The following MSRA variants were observed in gnomAD, a reference collection of about 807,000 sequenced individuals.
MSRA encodes the protein methionine sulfoxide reductase A.
MSRA carries 54 observed loss-of-function variants against 31.3 expected under a neutral mutation model. The ratio of observed to expected loss-of-function variants is 1.73; its 90% CI spans 1.39 to 2.17. MSRA has a LOEUF of 2.17. MSRA is among the 30% of genes most tolerant of loss of function. MSRA has a pLI of 0.00. For synonymous variants in MSRA, 169 were observed against 116.5 expected (o/e 1.45, Z -2.90); for missense variants, 507 against 300.9 (o/e 1.69, Z -5.07).
chr8:10,104,848 T>A (rs534281303), intron 1 of MSRA, among the ~76,000 whole-genome samples: 27 of 152,266 alleles, frequency 1.8e-4, no homozygotes, highest in African/African-American at 6.5e-4. Flanking sequence ...TTCAGATGGT[T>A]GAGAGGGGCT....
intron 3 of MSRA, among the ~76,000 whole-genome samples, chr8:10,282,937 C>A (rs915251169): frequency 6.6e-6 from 1 of 152,064 alleles, no homozygotes. Flanking sequence ...TCCAGAAAAA[C>A]CCCCCAAATT....
intron 5 of MSRA, among the ~76,000 whole-genome samples, chr8:10,331,418 C>T (rs543895224): frequency 3.9e-5 from 6 of 152,276 alleles, no homozygotes; most frequent in South Asian, 4.1e-4. Context: ...TACGGCTTTT[C>T]GGTGCTTTCT....
chr8:10,317,876 A>G (rs1299406864), intron 4 of MSRA, among the ~76,000 whole-genome samples: 1 of 152,116 alleles, frequency 6.6e-6, no homozygotes, highest in Non-Finnish European at 1.5e-5. Flanking sequence ...ACTGTAGCTC[A>G]TGGGAGTCTG....
At chr8:10,165,732 C>T (rs1805067277) in intron 1 of MSRA, among the ~76,000 whole-genome samples, 1 of 152,184 alleles carries the variant, frequency 6.6e-6, no homozygotes, top group African/African-American at 2.4e-5. Flanking sequence ...GGAATCTGAG[C>T]CTCAGTTTCC....
chr8:10,210,593 T>C (rs2129061365), intron 2 of MSRA, among the ~76,000 whole-genome samples: 1 of 152,320 alleles, frequency 6.6e-6, no homozygotes, highest in South Asian at 2.1e-4. Context: ...TAGCATGTAT[T>C]ATTAATGCAC....
At chr8:10,257,154 C>G (rs1383134760) in intron 3 of MSRA, among the ~76,000 whole-genome samples, 2 of 152,028 alleles carry the variant, frequency 1.3e-5, no homozygotes, top group South Asian at 4.2e-4. Context: ...GGTGATGACA[C>G]CATTTCCATC....
At chr8:10,413,210 C>T (rs1348186549) in intron 5 of MSRA, among the ~76,000 whole-genome samples, 3 of 152,146 alleles carry the variant, frequency 2.0e-5, no homozygotes, top group African/African-American at 7.2e-5. Context: ...ACCGTGGGGT[C>T]CCTGAAGCTT....
intron 3 of MSRA, among the ~76,000 whole-genome samples, chr8:10,291,459 T>A (rs1649925144): frequency 6.6e-6 from 1 of 152,014 alleles, no homozygotes; most frequent in Admixed American, 6.6e-5. Context: ...TAGACACTCC[T>A]CAAATCCTAT....
At chr8:10,132,954 C>T (rs1802003910) in intron 1 of MSRA, among the ~76,000 whole-genome samples, 2 of 152,286 alleles carry the variant, frequency 1.3e-5, no homozygotes, top group African/African-American at 4.8e-5. Context: ...CTACAATAGG[C>T]CTGGCCTCAA....
chr8:10,138,055 G>C (rs1802420213), intron 1 of MSRA, among the ~76,000 whole-genome samples: 2 of 152,154 alleles, frequency 1.3e-5, no homozygotes, highest in Admixed American at 1.3e-4. Context: ...CATTTCACTG[G>C]GTCACAGGCG....
At chr8:10,087,990 G>A (rs899001346) in intron 1 of MSRA, among the ~76,000 whole-genome samples, 1 of 152,108 alleles carries the variant, frequency 6.6e-6, no homozygotes, top group Admixed American at 6.5e-5. Flanking sequence ...GTTAATGCAG[G>A]GGTGATCTAG....
chr8:10,227,801 A>G (rs1489019895), intron 2 of MSRA, among the ~76,000 whole-genome samples: 2 of 152,336 alleles, frequency 1.3e-5, no homozygotes, highest in East Asian at 3.9e-4. Context: ...TAATTGCTAT[A>G]TGGTTTCTTT....
intron 3 of MSRA, among the ~76,000 whole-genome samples, chr8:10,269,490 C>T (rs914498978): frequency 3.3e-5 from 5 of 152,212 alleles, no homozygotes; most frequent in African/African-American, 9.7e-5. Flanking sequence ...TTTCTGGCTG[C>T]ACCAGGCATA....
intron 1 of MSRA, among the ~76,000 whole-genome samples, chr8:10,118,807 A>G (rs914994245): frequency 2.6e-5 from 4 of 152,146 alleles, no homozygotes; most frequent in Admixed American, 6.5e-5. Flanking sequence ...AGCTACCCCA[A>G]TTCCCACCCA....
At chr8:10,108,095 C>T (rs536751299) in intron 1 of MSRA, among the ~76,000 whole-genome samples, 3 of 152,080 alleles carry the variant, frequency 2.0e-5, no homozygotes, top group Non-Finnish European at 4.4e-5. Context: ...TGAGGGAGGC[C>T]TCCCTTAGCC....
intron 5 of MSRA, among the ~76,000 whole-genome samples, chr8:10,335,823 A>T (rs1803004952): frequency 6.6e-6 from 1 of 152,196 alleles, no homozygotes; most frequent in Admixed American, 6.5e-5. Flanking sequence ...TTTCACAAAC[A>T]TTCTCTCCTC....
chr8:10,054,508 C>T lies in MSRA; in HGVS notation c.-9C>T, dbSNP rs754057726. ...TCCCCCGGGACCACCCTTCGGCTGG[C>T]GCCCTCCCATGCTCTCGGCCACCCG... On this transcript the variant is annotated 5_prime_UTR_variant, in exon 1 of 6. Coordinates refer to ENST00000317173, the MANE Select transcript of MSRA (RefSeq NM_012331.5). The T allele has an allele frequency of 2.5e-6, 4 of 1,570,628 alleles. No homozygotes were observed. Among genetic ancestry groups the T allele is most frequent in the East Asian group, 2.6e-5 (1 of 38,944 alleles).
At chr8:10,338,618 T>C (rs1803214075) in intron 5 of MSRA, among the ~76,000 whole-genome samples, 1 of 152,162 alleles carries the variant, frequency 6.6e-6, no homozygotes, top group Non-Finnish European at 1.5e-5. Flanking sequence ...CAGTTAGGAT[T>C]TGTCAATCAA....
At chr8:10,326,345 A>C (rs1802361205) in intron 5 of MSRA, 1 of 152,194 alleles carries the variant, frequency 6.6e-6, no homozygotes, top group Non-Finnish European at 1.5e-5. Flanking sequence ...AGGAGCCAGA[A>C]ACCAAAAGTG....
Sources: gnomAD v4.1 joint callset for allele counts (sites outside exome capture counted in the v4.1 genomes callset) on GRCh38, gnomAD v4.1.1 for gene constraint, MANE v1.5 for transcripts, NCBI Gene and HGNC (gene_info 2026-07-23, HGNC 2026-07-21) for gene names.